Variants in PTPN1 observed in about 807,000 individuals in gnomAD.
PTPN1 encodes the protein protein tyrosine phosphatase non-receptor type 1.
PTPN1 carries 12 observed loss-of-function variants against 59.9 expected under a neutral mutation model. That is an observed-to-expected ratio of 0.20 (90% CI 0.13 to 0.32). PTPN1 has a LOEUF of 0.32. Among genes scored for constraint, PTPN1 ranks in the 10% least tolerant of loss-of-function variants. The probability of loss-of-function intolerance (pLI) is 1.00; values close to 1 mark genes in which losing one functional copy is unlikely to be tolerated. For missense variants in PTPN1, 356 were observed against 549.2 expected, an observed-to-expected ratio of 0.65 and a Z score of 3.52; for synonymous variants, 178 against 203.6, an observed-to-expected ratio of 0.87 and a Z score of 1.07.
intron 3 of PTPN1, among the ~76,000 whole-genome samples, chr20:50,565,993 C>T (rs1354796023): frequency 6.6e-6 from 1 of 152,178 alleles, no homozygotes; most frequent in East Asian, 1.9e-4. Context: ...CCCAGTTCCT[C>T]CCCATTTATG....
chr20:50,558,759 A>T (rs2082736691), intron 1 of PTPN1, among the ~76,000 whole-genome samples: 1 of 152,076 alleles, frequency 6.6e-6, no homozygotes, highest in Non-Finnish European at 1.5e-5. Context: ...TAGCGTGTTC[A>T]CACAGCTATC....
chr20:50,555,922 G>T (rs1378096241), intron 1 of PTPN1, among the ~76,000 whole-genome samples: 1 of 152,042 alleles, frequency 6.6e-6, no homozygotes, highest in East Asian at 1.9e-4. Context: ...ACACCAGCTG[G>T]ACTGACCAGA....
intron 1 of PTPN1, among the ~76,000 whole-genome samples, chr20:50,552,846 T>C (rs1001995495): frequency 5.9e-5 from 9 of 152,082 alleles, no homozygotes; most frequent in Admixed American, 2.0e-4. Flanking sequence ...TGCGTCCTCC[T>C]ACCTGGAATA....
intron 1 of PTPN1, among the ~76,000 whole-genome samples, chr20:50,559,242 A>G (rs2082740262): frequency 6.6e-6 from 1 of 152,092 alleles, no homozygotes; most frequent in Non-Finnish European, 1.5e-5. Flanking sequence ...TGTGTTGGCC[A>G]GGCTGGTCTT....
intron 5 of PTPN1, 145 bp downstream of exon 5, chr20:50,574,799 G>A: frequency 5.7e-6 from 6 of 1,061,600 alleles, no homozygotes; most frequent in Non-Finnish European, 8.1e-6. Flanking sequence ...TGTGGTGAGC[G>A]GAGCTTACTT....
intron 1 of PTPN1, among the ~76,000 whole-genome samples, chr20:50,523,077 T>C (rs2082558291): frequency 6.6e-6 from 1 of 152,138 alleles, no homozygotes; most frequent in Non-Finnish European, 1.5e-5. Flanking sequence ...GGTATTTGTA[T>C]TTTTAGTCTC....
rs2082883477 is a variant in PTPN1 at position 50,583,958 on chromosome 20, T to C, written c.*1243T>C. 6.6e-6 allele frequency: 1 copy of C among 152,576 alleles called. No homozygotes were observed. The highest frequency in any genetic ancestry group is 2.4e-5 in the African/African-American group (1 of 41,436). The allele number at this position is 152,576 out of a possible 1,614,324, so 9.5% of individuals were successfully genotyped here. A position where few individuals can be genotyped will look rare whatever the true frequency, so the allele number is the denominator to read the frequency against. On this transcript the variant is annotated 3_prime_UTR_variant, in exon 10 of 10. Coordinates refer to ENST00000371621, the MANE Select transcript of PTPN1 (RefSeq NM_002827.4). ...AGGCACCTGCTGGAAACCACACTTC[T>C]TGAAACAGCCTGGGTGACGGTCCTT...
intron 1 of PTPN1, among the ~76,000 whole-genome samples, chr20:50,531,981 G>A (rs1293242420): frequency 2.0e-5 from 3 of 152,208 alleles, no homozygotes; most frequent in Non-Finnish European, 4.4e-5. Context: ...TTCTCCACAT[G>A]TGCGCCTTGT....
At chr20:50,548,948 C>G (rs2082688731) in intron 1 of PTPN1, among the ~76,000 whole-genome samples, 1 of 152,128 alleles carries the variant, frequency 6.6e-6, no homozygotes, top group Non-Finnish European at 1.5e-5. Flanking sequence ...GAACTTGTGA[C>G]CTGAAGTGAT....
In PTPN1 at chr20:50,512,905, A is replaced by G. The variant is rs536596518; in HGVS notation, c.63+2315A>G. Among the ~76,000 whole-genome samples, 5 of 152,352 alleles carry G rather than the reference A, an allele frequency of 3.3e-5. No individual in the cohort carries two copies. In the South Asian group the frequency reaches 1.0e-3, roughly 32 times the overall value. ...AATTAATACTTTATAGCATGTTGAA[A>G]TGAGGGCAGCCTTATACAAAGTCAT... On this transcript the variant is annotated intron_variant, in intron 1 of 9. Transcript: ENST00000371621.
At chr20:50,557,017 A>C (rs1045207517) in intron 1 of PTPN1, among the ~76,000 whole-genome samples, 1 of 152,242 alleles carries the variant, frequency 6.6e-6, no homozygotes, top group Non-Finnish European at 1.5e-5. Flanking sequence ...GGTCAAAAGA[A>C]GCAGATGAAA....
chr20:50,568,512 C>T lies in PTPN1; in HGVS notation c.354+34C>T, dbSNP rs1255579210. The T allele has an allele frequency of 6.8e-7, 1 of 1,480,250 alleles. No individual in the cohort carries two copies. Among genetic ancestry groups the T allele is most frequent in the Admixed American group, 1.7e-5 (1 of 59,814 alleles). 91.7% of individuals were successfully genotyped at this position (1,480,250 alleles called of 1,614,324 possible). A position where few individuals can be genotyped will look rare whatever the true frequency, so the allele number is the denominator to read the frequency against. ...CGGCTTCATTTGCTGTGTATGTGAT[C>T]ATGCATACCACTCCATATAGTTACC... On this transcript the variant is annotated intron_variant, in intron 4 of 9. Transcript: ENST00000371621. The surrounding 1 kb of genome is among the most constrained non-coding windows in gnomAD (Gnocchi z 5.6).
At chr20:50,563,690 A>G (rs2082764361) in intron 2 of PTPN1, among the ~76,000 whole-genome samples, 1 of 152,128 alleles carries the variant, frequency 6.6e-6, no homozygotes, top group African/African-American at 2.4e-5. Flanking sequence ...GCCCCAGACC[A>G]CTTATCCCCA....
rs767773065 is a variant in PTPN1 at position 50,579,699 on chromosome 20, C to T, written c.865-4C>T. On this transcript the variant is annotated splice_region_variant and splice_polypyrimidine_tract_variant and intron_variant, in intron 7 of 9. Coordinates refer to ENST00000371621, the MANE Select transcript of PTPN1 (RefSeq NM_002827.4). Reference sequence around the variant, plus strand: ...ATAGGACTTCCTCTTGCTGCTCTTTCAAGGATCAGTGGAAGGAGCTTTCCC... The same window carrying T: ...ATAGGACTTCCTCTTGCTGCTCTTTTAAGGATCAGTGGAAGGAGCTTTCCC... 1.2e-6 allele frequency: 2 copies of T among 1,610,114 alleles called. No homozygotes were observed. Among genetic ancestry groups the T allele is most frequent in the South Asian group, 2.2e-5 (2 of 90,934 alleles).
intron 4 of PTPN1, chr20:50,572,872 G>A (rs1488503381): frequency 6.6e-6 from 1 of 152,204 alleles, no homozygotes; most frequent in Non-Finnish European, 1.5e-5. Flanking sequence ...TGGCAGAATT[G>A]CTTCAATGGT....
intron 8 of PTPN1, among the ~76,000 whole-genome samples, chr20:50,580,622 C>T (rs998361854): frequency 1.3e-5 from 2 of 152,212 alleles, no homozygotes; most frequent in South Asian, 2.1e-4. Flanking sequence ...AGATGACTGC[C>T]GGCTGTGCCC....
chr20:50,546,450 A>G (rs2082676594), intron 1 of PTPN1, among the ~76,000 whole-genome samples: 1 of 152,126 alleles, frequency 6.6e-6, no homozygotes, highest in African/African-American at 2.4e-5. Context: ...AATTTTGGGC[A>G]TTGGTCGTAT....
chr20:50,578,654 T>G (rs779295330), intron 6 of PTPN1, 25 bp downstream of exon 6: 2 of 1,601,742 alleles, frequency 1.2e-6, no homozygotes, highest in Non-Finnish European at 1.7e-6. Flanking sequence ...GCGGGTGCCC[T>G]GGGGAGCTCC....
chr20:50,511,864 G>A (rs1029845278), intron 1 of PTPN1, among the ~76,000 whole-genome samples: 2 of 152,184 alleles, frequency 1.3e-5, no homozygotes, highest in Non-Finnish European at 2.9e-5. Flanking sequence ...AGGCTCAAAA[G>A]GCAAATTGTG....
Sources: allele counts gnomAD v4.1 joint callset (sites outside exome capture counted in the v4.1 genomes callset), GRCh38; gene constraint gnomAD v4.1.1; non-coding constraint Gnocchi (gnomAD v3.1); transcripts MANE v1.5; gene names NCBI Gene and HGNC (gene_info 2026-07-23, HGNC 2026-07-21).